The following EPHA6 variants were observed in gnomAD, a reference collection of about 807,000 sequenced individuals.
EPHA6 encodes the protein ephrin type-A receptor 6.
EPHA6 carries 50 observed loss-of-function variants against 112.0 expected under a neutral mutation model. That is an observed-to-expected ratio of 0.45 (90% confidence interval 0.36 to 0.56). The LOEUF (loss-of-function observed/expected upper bound fraction) is 0.56. Among genes scored for constraint, EPHA6 ranks in the 20% least tolerant of loss-of-function variants. The pLI is 0.00. For missense variants in EPHA6, 1,280 were observed against 1,417.4 expected, an observed-to-expected ratio of 0.90 and a Z score of 1.56; for synonymous variants, 529 against 490.7, an observed-to-expected ratio of 1.08 and a Z score of -1.03.
intron 3 of EPHA6, among the ~76,000 whole-genome samples, chr3:97,044,883 A>G (rs1045361819): frequency 2.0e-4 from 31 of 152,220 alleles, no homozygotes; most frequent in African/African-American, 7.5e-4. Context: ...AACAAAGTAT[A>G]TGCATTAAGA....
intron 3 of EPHA6, among the ~76,000 whole-genome samples, chr3:97,067,704 G>A (rs2046222531): frequency 6.6e-6 from 1 of 151,918 alleles, no homozygotes; most frequent in South Asian, 2.1e-4. Flanking sequence ...GGTAGAATGA[G>A]GAACAAGAAT....
chr3:97,247,263 G>C (rs551755054), intron 5 of EPHA6, among the ~76,000 whole-genome samples: 9 of 151,926 alleles, frequency 5.9e-5, no homozygotes, highest in Admixed American at 2.0e-4. Context: ...ATGCAAAATT[G>C]ATAAGTGTTA....
intron 5 of EPHA6, among the ~76,000 whole-genome samples, chr3:97,357,043 T>G (rs2084115638): frequency 6.6e-6 from 1 of 152,206 alleles, no homozygotes; most frequent in Admixed American, 6.5e-5. Flanking sequence ...CTTCTTTGTC[T>G]CTTGTAATGT....
intron 2 of EPHA6, among the ~76,000 whole-genome samples, chr3:96,937,257 C>T (rs1005417198): frequency 3.9e-5 from 6 of 152,194 alleles, no homozygotes; most frequent in African/African-American, 1.4e-4. Context: ...TCCACATCCT[C>T]TTCAGCACCT....
chr3:96,882,768 G>GTGTGTATATA (rs774521290), intron 2 of EPHA6, among the ~76,000 whole-genome samples: 1,787 of 148,878 alleles, frequency 0.012, 14 homozygotes, highest in South Asian at 0.032. Flanking sequence ...GTGTGTGTGT[G>GTGTGTATATA]TATAGTCAAT....
At chr3:97,525,436 C>A (rs1440465281) in intron 10 of EPHA6, among the ~76,000 whole-genome samples, 2 of 152,096 alleles carry the variant, frequency 1.3e-5, no homozygotes, top group Non-Finnish European at 2.9e-5. Flanking sequence ...TGTTGAATTT[C>A]TTTGAGCTTC....
At chr3:96,868,846 A>G (rs1393243390) in intron 2 of EPHA6, among the ~76,000 whole-genome samples, 1 of 152,096 alleles carries the variant, frequency 6.6e-6, no homozygotes, top group East Asian at 1.9e-4. Flanking sequence ...GATTCCATAG[A>G]TTTTTCTTTT....
intron 3 of EPHA6, among the ~76,000 whole-genome samples, chr3:97,029,294 A>C (rs1415192056): frequency 6.6e-6 from 1 of 151,644 alleles, no homozygotes; most frequent in Non-Finnish European, 1.5e-5. Flanking sequence ...AAATTATTAT[A>C]TAATTACATA....
intron 5 of EPHA6, among the ~76,000 whole-genome samples, chr3:97,328,811 C>A (rs1396325752): frequency 6.6e-6 from 1 of 151,820 alleles, no homozygotes; most frequent in African/African-American, 2.4e-5. Context: ...TGCTATTTTT[C>A]TTTTTATTAT....
chr3:97,466,440 A>G (rs767390180), intron 7 of EPHA6: 44 of 1,557,180 alleles, frequency 2.8e-5, no homozygotes, highest in Non-Finnish European at 3.6e-5. Flanking sequence ...TCAAGTGACA[A>G]AACTGTACTG....
intron 5 of EPHA6, among the ~76,000 whole-genome samples, chr3:97,323,789 A>T (rs1317029556): frequency 2.6e-5 from 4 of 151,972 alleles, no homozygotes; most frequent in Non-Finnish European, 5.9e-5. Flanking sequence ...AAAGAAACAC[A>T]GTTTGAAGGC....
In EPHA6 at chr3:97,068,869, C is replaced by G. The variant is rs564303720; in HGVS notation, c.1114+80876C>G. 6.2e-4 allele frequency among the ~76,000 whole-genome samples: 94 copies of G among 152,224 alleles called. 1 individual carries two copies. The highest frequency in any genetic ancestry group is 5.2e-3 in the South Asian group (25 of 4,834). ...CCTGGAAAAGGACCCTCACCAGAAC[C>G]TGACTATATTGACACCCTGATTTCA... On this transcript the variant is annotated intron_variant, in intron 3 of 17. Coordinates refer to ENST00000389672, the MANE Select transcript of EPHA6 (RefSeq NM_001080448.3).
At chr3:97,435,814 C>A (rs2089800165) in intron 6 of EPHA6, among the ~76,000 whole-genome samples, 1 of 152,126 alleles carries the variant, frequency 6.6e-6, no homozygotes, top group African/African-American at 2.4e-5. Flanking sequence ...TTTGTTCACT[C>A]TTTGATAATA....
intron 3 of EPHA6, among the ~76,000 whole-genome samples, chr3:97,121,785 A>C (rs1310914978): frequency 6.6e-6 from 1 of 152,042 alleles, no homozygotes; most frequent in Non-Finnish European, 1.5e-5. Context: ...CCAGTGTCCC[A>C]TTTCTTTACT....
chr3:97,075,778 T>C (rs895734826), intron 3 of EPHA6, among the ~76,000 whole-genome samples: 3 of 152,040 alleles, frequency 2.0e-5, no homozygotes, highest in Non-Finnish European at 4.4e-5. Flanking sequence ...AATTTTTCAA[T>C]AGAATGTATT....
At chr3:96,815,540 C>T (rs1353657956) in intron 1 of EPHA6, among the ~76,000 whole-genome samples, 7 of 152,116 alleles carry the variant, frequency 4.6e-5, no homozygotes, top group African/African-American at 7.2e-5. Flanking sequence ...TAGACTTACT[C>T]GAAATTCTTC....
At chr3:97,608,109 A>G (rs1360749809) in intron 12 of EPHA6, among the ~76,000 whole-genome samples, 1 of 151,070 alleles carries the variant, frequency 6.6e-6, no homozygotes. Context: ...AAAATTCCTT[A>G]GTTCAATTAA....
At chr3:97,654,878 A>G (rs960248353) in intron 14 of EPHA6, among the ~76,000 whole-genome samples, 15 of 151,696 alleles carry the variant, frequency 9.9e-5, no homozygotes, top group African/African-American at 3.4e-4. Context: ...GCAAAGGGTG[A>G]CATATGATTT....
chr3:97,350,832 A>AT (rs113040677), intron 5 of EPHA6, among the ~76,000 whole-genome samples: 156 of 152,124 alleles, frequency 1.0e-3, no homozygotes, highest in African/African-American at 2.7e-3. Flanking sequence ...AAGAAAAAAA[A>AT]ATATATATAA....
Sources: allele counts gnomAD v4.1 joint callset (sites outside exome capture counted in the v4.1 genomes callset), GRCh38; gene constraint gnomAD v4.1.1; transcripts MANE v1.5; gene names NCBI Gene and HGNC (gene_info 2026-07-23, HGNC 2026-07-21).